GABRG1: variants seen among roughly 807,000 people sequenced by gnomAD.
GABRG1 encodes gamma-aminobutyric acid type A receptor subunit gamma1.
A neutral mutation model predicts 49.8 loss-of-function variants in GABRG1; 49 were observed. The ratio of observed to expected loss-of-function variants is 0.98; its 90% CI spans 0.78 to 1.25. GABRG1 has a LOEUF of 1.25. GABRG1 is among the 50% of genes most tolerant of loss of function. The probability of loss-of-function intolerance (pLI) is 0.00; values close to 1 mark genes in which losing one functional copy is unlikely to be tolerated. For missense variants in GABRG1, 552 were observed against 552.3 expected, an observed-to-expected ratio of 1.00 and a Z score of 0.01; for synonymous variants, 232 against 185.1, an observed-to-expected ratio of 1.25 and a Z score of -2.06.
At chr4:46,065,766 A>C (rs1718894233) in intron 3 of GABRG1, among the ~76,000 whole-genome samples, 182 bp from the exon 4 acceptor site, 1 of 152,096 alleles carries the variant, frequency 6.6e-6, no homozygotes, top group Non-Finnish European at 1.5e-5. Context: ...TCTGTCTCCC[A>C]GGCCGGAGTG....
rs771634997 is a variant in GABRG1 at position 46,097,300 on chromosome 4, T to C, written c.154A>G (p.Thr52Ala). 4 of 1,610,832 alleles carry C rather than the reference T, an allele frequency of 2.5e-6. No individual in the cohort carries two copies. In the South Asian group the frequency reaches 3.3e-5, roughly 13 times the overall value. The change falls in exon 2 of 9, where the codon ACC becomes GCC. Residue 52 changes from threonine (T) to alanine (A), a missense_variant. Transcript: ENST00000295452. The stretch of plus-strand genomic sequence containing the variant: ...TGAATTTTTGGGGCCAAGACCCAGG[T>C]TTTGTTCACCGTTAAATCCTCATCA... ...EDDEDLTVNK[T>A]WVLAPKIHEG...
rs71193839 is a variant in GABRG1 at position 46,061,814 on chromosome 4, AT to A, written c.625+2626del. 3.2e-3 allele frequency among the ~76,000 whole-genome samples: 464 copies of A among 144,674 alleles called. 1 individual carries two copies. Among genetic ancestry groups the A allele is most frequent in the East Asian group, 0.011 (56 of 4,902 alleles). The allele number at this position is 144,674 out of a possible 152,430, so 94.9% of individuals were successfully genotyped here. A position where few individuals can be genotyped will look rare whatever the true frequency, so the allele number is the denominator to read the frequency against. ...AGAAATAGCATAAGTTACCACTTAC[AT>A]TTTTTTTTTTTTGGTTTTGTTTTCT... On this transcript the variant is annotated intron_variant, in intron 5 of 8. Transcript: ENST00000295452.
chr4:46,058,080 T>G (rs1718519801), intron 7 of GABRG1, 137 bp downstream of exon 7: 1 of 635,356 alleles, frequency 1.6e-6, no homozygotes, highest in African/African-American at 1.8e-5. Context: ...CATGGTATTG[T>G]CCCTTAGTTC....
chr4:46,117,715 T>C (rs1351941943), intron 1 of GABRG1, among the ~76,000 whole-genome samples: 1 of 144,630 alleles, frequency 6.9e-6, no homozygotes, highest in Non-Finnish European at 1.5e-5. Flanking sequence ...TACATACATG[T>C]ATATACATAT....
chr4:46,091,959 C>T (rs774135958), intron 2 of GABRG1, among the ~76,000 whole-genome samples: 3 of 151,558 alleles, frequency 2.0e-5, no homozygotes, highest in Non-Finnish European at 4.4e-5. Flanking sequence ...CAAAATAGCA[C>T]GATTAATGTT....
chr4:46,082,547 G>A (rs1719614731), intron 3 of GABRG1, among the ~76,000 whole-genome samples: 1 of 151,764 alleles, frequency 6.6e-6, no homozygotes, highest in Non-Finnish European at 1.5e-5. Flanking sequence ...TTTTGAAGAT[G>A]AAGGAGGGAT....
rs560838889 is a variant in GABRG1 at position 46,048,740 on chromosome 4, A to T, written c.1131+2684T>A. 1.1e-4 allele frequency among the ~76,000 whole-genome samples: 17 copies of T among 151,476 alleles called. 1 individual carries two copies. Among genetic ancestry groups the T allele is most frequent in the Admixed American group, 6.0e-4 (9 of 15,070 alleles). On this transcript the variant is annotated intron_variant, in intron 8 of 8. Coordinates refer to ENST00000295452, the MANE Select transcript of GABRG1 (RefSeq NM_173536.4). ...AATAGAAAGCGAGCAAAAAAGACAA[A>T]TGAAAGAAAGAGAATGAAAGAAAGA...
chr4:46,060,360 A>G (rs1052951188), intron 5 of GABRG1, among the ~76,000 whole-genome samples: 1 of 151,990 alleles, frequency 6.6e-6, no homozygotes, highest in African/African-American at 2.4e-5. Context: ...ATGTTCTATT[A>G]CACTACCATC....
chr4:46,050,206 G>A lies in GABRG1; in HGVS notation c.1131+1218C>T, dbSNP rs758803149. Among the ~76,000 whole-genome samples, 16 of 151,896 alleles carry A rather than the reference G, an allele frequency of 1.1e-4. No homozygotes were observed. The South Asian group carries it at 1.2e-3, about 12-fold the overall frequency. On this transcript the variant is annotated intron_variant, in intron 8 of 8. Transcript: ENST00000295452. ...TATCCTATAGATAAGCAAAAATGAC[G>A]TGAAGTTGACGGAGTCACTGGCTAA...
chr4:46,117,592 GTCTCTCTC>G (rs369617928), intron 1 of GABRG1, among the ~76,000 whole-genome samples: 1 of 87,254 alleles, frequency 1.1e-5, no homozygotes, highest in Non-Finnish European at 2.3e-5. Flanking sequence ...GTCTCTCTTT[GTCTCTCTC>G]TCTCTCTCTC....
intron 4 of GABRG1, among the ~76,000 whole-genome samples, 170 bp downstream of exon 4, chr4:46,065,194 C>A (rs897551417): frequency 6.6e-6 from 1 of 152,062 alleles, no homozygotes; most frequent in Non-Finnish European, 1.5e-5. Context: ...ATAATAATAA[C>A]TGAGCTTAAA....
intron 1 of GABRG1, among the ~76,000 whole-genome samples, chr4:46,113,028 T>G (rs935725861): frequency 2.6e-5 from 4 of 151,180 alleles, no homozygotes; most frequent in Non-Finnish European, 4.4e-5. Context: ...CAACCCTCAC[T>G]TGGCATGACT....
chr4:46,058,438 T>A, intron 6 of GABRG1, 47 bp downstream of exon 6: 1 of 1,597,172 alleles, frequency 6.3e-7, no homozygotes, highest in Non-Finnish European at 8.5e-7. Flanking sequence ...AAAATAAAAA[T>A]GTCATTTAAT....
intron 2 of GABRG1, among the ~76,000 whole-genome samples, chr4:46,094,856 C>T (rs1054996894): frequency 3.3e-5 from 5 of 151,694 alleles, no homozygotes; most frequent in African/African-American, 4.8e-5. Flanking sequence ...ATTAAAAGGA[C>T]AAAATAATTA....
At chr4:46,123,075 C>CTCTT (rs997235148) in intron 1 of GABRG1, among the ~76,000 whole-genome samples, 4 of 148,234 alleles carry the variant, frequency 2.7e-5, no homozygotes, top group African/African-American at 1.0e-4. Context: ...TTTTCTCTCT[C>CTCTT]TCTCTCTCTC....
At chr4:46,062,690 A>G (rs1239114400) in intron 5 of GABRG1, among the ~76,000 whole-genome samples, 8 of 151,570 alleles carry the variant, frequency 5.3e-5, no homozygotes, top group Admixed American at 4.6e-4. Context: ...AGAAGTGGAA[A>G]TGAAGGGTAT....
At chr4:46,088,402 C>T (rs1719860366) in intron 2 of GABRG1, among the ~76,000 whole-genome samples, 1 of 151,818 alleles carries the variant, frequency 6.6e-6, no homozygotes, top group Non-Finnish European at 1.5e-5. Flanking sequence ...TCTGTGTTTG[C>T]TAGGAATTCC....
At position 46,083,236 on chromosome 4, in the gene GABRG1, T is replaced by A. The variant is rs1719638061; in HGVS notation, c.321+750A>T. On this transcript the variant is annotated intron_variant, in intron 3 of 8. Transcript: ENST00000295452. ...AAAATGTATTATTTTCATCTCCAGCTTGATTGCAACTGCAGTAGGTAAGCC... is the reference window on the plus strand; with the variant it reads ...AAAATGTATTATTTTCATCTCCAGCATGATTGCAACTGCAGTAGGTAAGCC... 2.0e-5 allele frequency among the ~76,000 whole-genome samples: 3 copies of A among 151,786 alleles called. No individual in the cohort carries two copies. The South Asian group carries it at 6.2e-4, about 31-fold the overall frequency.
intron 2 of GABRG1, among the ~76,000 whole-genome samples, chr4:46,085,706 G>T (rs1719730008): frequency 6.6e-6 from 1 of 151,420 alleles, no homozygotes; most frequent in African/African-American, 2.4e-5. Flanking sequence ...ATCTGTAATT[G>T]CTTCTTAATA....
Sources: gnomAD v4.1 joint callset for allele counts (sites outside exome capture counted in the v4.1 genomes callset) on GRCh38, gnomAD v4.1.1 for gene constraint, MANE v1.5 for transcripts, NCBI Gene and HGNC (gene_info 2026-07-23, HGNC 2026-07-21) for gene names.